The following CAMK2G variants were observed in gnomAD, a reference collection of about 807,000 sequenced individuals.
The protein encoded by CAMK2G is calcium/calmodulin-dependent protein kinase type II subunit gamma.
CAMK2G carries 23 observed loss-of-function variants against 88.7 expected under a neutral mutation model. The observed-to-expected ratio is 0.26, with a 90% CI of 0.19 to 0.37. The LOEUF (loss-of-function observed/expected upper bound fraction) is 0.37, where lower values mean the gene tolerates loss of function less well. Among genes scored for constraint, CAMK2G ranks in the 10% least tolerant of loss-of-function variants. CAMK2G has a pLI of 1.00. For missense variants in CAMK2G, 476 were observed against 780.8 expected, an observed-to-expected ratio of 0.61 and a Z score of 4.65; for synonymous variants, 263 against 294.8, an observed-to-expected ratio of 0.89 and a Z score of 1.11.
At position 73,848,897 on chromosome 10, in the gene CAMK2G, A is replaced by C; in HGVS notation, c.517+116T>G. 1 of 774,084 alleles carries C rather than the reference A, an allele frequency of 1.3e-6. No homozygotes were observed. Among genetic ancestry groups the C allele is most frequent in the South Asian group, 1.4e-5 (1 of 71,814 alleles). The allele number at this position is 774,084 out of a possible 1,614,324, so 48.0% of individuals were successfully genotyped here. ...GTACTGAGTCGCGTACGGCCAAGAGAGATCTCGGAGGCCAGGACCATTAAG... is the reference window on the plus strand; with the variant it reads ...GTACTGAGTCGCGTACGGCCAAGAGCGATCTCGGAGGCCAGGACCATTAAG... On this transcript the variant is annotated intron_variant, in intron 7 of 22. Transcript: ENST00000423381. The surrounding 1 kb of genome is among the most constrained non-coding windows in gnomAD (Gnocchi z 4.5).
chr10:73,824,805 G>A (rs771910047), intron 16 of CAMK2G, among the ~76,000 whole-genome samples: 3 of 152,224 alleles, frequency 2.0e-5, no homozygotes, highest in South Asian at 2.1e-4. Flanking sequence ...CAGGAGCCTG[G>A]AGACCTCAGC....
At chr10:73,835,295 G>A (rs1260439615) in intron 14 of CAMK2G, among the ~76,000 whole-genome samples, 6 of 151,456 alleles carry the variant, frequency 4.0e-5, no homozygotes, top group Non-Finnish European at 7.4e-5. Context: ...GGCACAGCAG[G>A]TATCTTTTTT....
intron 2 of CAMK2G, among the ~76,000 whole-genome samples, chr10:73,866,247 G>A (rs538168023): frequency 3.6e-4 from 55 of 152,328 alleles, no homozygotes; most frequent in Middle Eastern, 3.4e-3. Context: ...AGATGCACCA[G>A]GGGAGGCAGA....
intron 14 of CAMK2G, among the ~76,000 whole-genome samples, chr10:73,833,916 T>TG (rs2092869221): frequency 8.2e-6 from 1 of 121,514 alleles, no homozygotes; most frequent in Admixed American, 8.1e-5. Flanking sequence ...TGGGTTTTTT[T>TG]TTTTTTTTTT....
intron 3 of CAMK2G, among the ~76,000 whole-genome samples, chr10:73,856,965 GT>G (rs1219854957): frequency 7.2e-5 from 11 of 152,200 alleles, no homozygotes; most frequent in Admixed American, 2.0e-4. Flanking sequence ...AAGTGTTGCT[GT>G]TAAAAATATC....
At chr10:73,869,380 C>T (rs1292334219) in intron 2 of CAMK2G, among the ~76,000 whole-genome samples, 1 of 152,224 alleles carries the variant, frequency 6.6e-6, no homozygotes, top group African/African-American at 2.4e-5. Flanking sequence ...TGTCTGCCTA[C>T]ATCTCCCACT....
At chr10:73,836,801 C>T (rs1317345048) in intron 14 of CAMK2G, among the ~76,000 whole-genome samples, 1 of 152,332 alleles carries the variant, frequency 6.6e-6, no homozygotes, top group Admixed American at 6.5e-5. Context: ...TAGCCCCAGT[C>T]ACCTCTCCTC....
At chr10:73,837,574 G>A (rs769925008) in intron 13 of CAMK2G, 63 bp from the exon 14 acceptor site, 42 of 1,322,198 alleles carry the variant, frequency 3.2e-5, no homozygotes, top group South Asian at 7.0e-5. Flanking sequence ...CCTGAAGTCC[G>A]GCAGCCAGAT....
At chr10:73,859,489 T>G (rs950689830) in intron 3 of CAMK2G, among the ~76,000 whole-genome samples, 5 of 152,226 alleles carry the variant, frequency 3.3e-5, no homozygotes, top group Non-Finnish European at 7.3e-5. Context: ...CTGTTCTAGG[T>G]GTTTCCCTCT....
chr10:73,835,704 AC>A (rs2093118898), intron 14 of CAMK2G, among the ~76,000 whole-genome samples: 1 of 152,008 alleles, frequency 6.6e-6, no homozygotes, highest in South Asian at 2.1e-4. Context: ...GACTGATCCA[AC>A]CATATTTTTG....
intron 15 of CAMK2G, among the ~76,000 whole-genome samples, chr10:73,826,968 G>A (rs937826141): frequency 6.6e-5 from 10 of 152,162 alleles, no homozygotes; most frequent in African/African-American, 2.2e-4. Flanking sequence ...GTAGTGAGAC[G>A]GTGGGTCTAA....
intron 14 of CAMK2G, among the ~76,000 whole-genome samples, chr10:73,833,624 C>A (rs1249301833): frequency 7.0e-6 from 1 of 142,180 alleles, no homozygotes. Flanking sequence ...GAGACAGAGT[C>A]TTGCTCTGTC....
At chr10:73,862,678 C>T (rs866810920) in intron 2 of CAMK2G, among the ~76,000 whole-genome samples, 125 of 152,222 alleles carry the variant, frequency 8.2e-4, no homozygotes, top group African/African-American at 2.8e-3. Context: ...AGCCCTCTTT[C>T]TCCACCCCTG....
At chr10:73,820,490 A>ATTTTTTT (rs1458257825) in intron 18 of CAMK2G, among the ~76,000 whole-genome samples, 21 of 53,162 alleles carry the variant, frequency 4.0e-4, no homozygotes, top group African/African-American at 1.8e-3. Context: ...ATATATATAT[A>ATTTTTTT]TATTTTTTTT....
intron 13 of CAMK2G, among the ~76,000 whole-genome samples, chr10:73,838,580 G>A (rs989455477): frequency 6.6e-6 from 1 of 152,196 alleles, no homozygotes; most frequent in African/African-American, 2.4e-5. Context: ...CCTTTGGGTA[G>A]CCATTCCTCC....
chr10:73,817,139 C>T (rs1297482126), intron 20 of CAMK2G, 22 bp from the exon 21 acceptor site: 1 of 1,583,342 alleles, frequency 6.3e-7, no homozygotes. Flanking sequence ...AAAAAAAAAG[C>T]AGCCTATCAG....
intron 14 of CAMK2G, among the ~76,000 whole-genome samples, chr10:73,829,959 T>C (rs2133860858): frequency 6.6e-6 from 1 of 152,332 alleles, no homozygotes; most frequent in Non-Finnish European, 1.5e-5. Flanking sequence ...GCAAGAACTC[T>C]GCGTAGGCAC....
At chr10:73,859,812 G>A (rs1377282074) in intron 3 of CAMK2G, among the ~76,000 whole-genome samples, 2 of 152,212 alleles carry the variant, frequency 1.3e-5, no homozygotes, top group Non-Finnish European at 2.9e-5. Flanking sequence ...CCATGACAGA[G>A]CTCACTTTGA....
rs1255818677 is a variant in CAMK2G at position 73,813,323 on chromosome 10, G to T, written c.*1195C>A. The stretch of plus-strand genomic sequence containing the variant: ...TATACTTCAGTTGGTCAGTAAAGAG[G>T]CCTCTGTAAGGACACCTCTTCTTCT... On this transcript the variant is annotated 3_prime_UTR_variant, in exon 23 of 23. Coordinates refer to ENST00000423381, the MANE Select transcript of CAMK2G (RefSeq NM_001367534.1). 6.5e-6 allele frequency: 1 copy of T among 152,800 alleles called. No individual in the cohort carries two copies. Among genetic ancestry groups the T allele is most frequent in the South Asian group, 2.1e-4 (1 of 4,830 alleles). 9.5% of individuals were successfully genotyped at this position (152,800 alleles called of 1,614,324 possible).
Sources: gnomAD v4.1 joint callset for allele counts (sites outside exome capture counted in the v4.1 genomes callset) on GRCh38, gnomAD v4.1.1 for gene constraint, Gnocchi (gnomAD v3.1) non-coding constraint, MANE v1.5 for transcripts, NCBI Gene and HGNC (gene_info 2026-07-23, HGNC 2026-07-21) for gene names.